The following CTNNA3 variants were observed in gnomAD, a reference collection of about 807,000 sequenced individuals.
CTNNA3 encodes catenin alpha-3.
A neutral mutation model predicts 95.7 loss-of-function variants in CTNNA3; 76 were observed. The observed-to-expected ratio is 0.79, with a 90% confidence interval of 0.66 to 0.96. The LOEUF (loss-of-function observed/expected upper bound fraction) is 0.96, where lower values mean the gene tolerates loss of function less well. CTNNA3 is among the 40% of genes least tolerant of loss of function. The pLI, the probability that CTNNA3 is intolerant of heterozygous loss-of-function variation, is 0.00. For missense variants in CTNNA3, 1,191 were observed against 1,089.8 expected, an observed-to-expected ratio of 1.09 and a Z score of -1.31; for synonymous variants, 431 against 374.4, an observed-to-expected ratio of 1.15 and a Z score of -1.74.
At chr10:66,876,922 C>G (rs1219097712) in intron 7 of CTNNA3, among the ~76,000 whole-genome samples, 1 of 152,114 alleles carries the variant, frequency 6.6e-6, no homozygotes, top group African/African-American at 2.4e-5. Context: ...TTGCTTTCCT[C>G]AAGAACAGTT....
At chr10:67,667,147 C>G (rs79429865) in intron 1 of CTNNA3, among the ~76,000 whole-genome samples, 28 of 152,226 alleles carry the variant, frequency 1.8e-4, no homozygotes, top group African/African-American at 6.7e-4. Flanking sequence ...ATATTAGAAG[C>G]CACAGACTAA....
At chr10:66,066,170 T>A (rs2080309334) in intron 15 of CTNNA3, among the ~76,000 whole-genome samples, 1 of 152,158 alleles carries the variant, frequency 6.6e-6, no homozygotes, top group Non-Finnish European at 1.5e-5. Context: ...GCCACCAAGA[T>A]GATATTATAA....
chr10:67,392,563 C>A (rs1441751859), intron 5 of CTNNA3, among the ~76,000 whole-genome samples: 2 of 152,136 alleles, frequency 1.3e-5, no homozygotes, highest in African/African-American at 2.4e-5. Flanking sequence ...TGGGTATATA[C>A]CCAAAGGACT....
intron 4 of CTNNA3, among the ~76,000 whole-genome samples, chr10:67,527,229 C>G (rs1046078537): frequency 3.9e-5 from 6 of 152,060 alleles, no homozygotes; most frequent in African/African-American, 1.4e-4. Context: ...TGCACTCCAG[C>G]CTGGGTGACA....
chr10:66,084,829 T>A (rs957128700), intron 14 of CTNNA3: 5 of 152,170 alleles, frequency 3.3e-5, no homozygotes, highest in African/African-American at 1.2e-4. Flanking sequence ...CTATCATCTA[T>A]CTATGTATTT....
chr10:67,724,433 G>C (rs1841197547), intron 1 of CTNNA3, among the ~76,000 whole-genome samples: 1 of 152,194 alleles, frequency 6.6e-6, no homozygotes. Context: ...ACATCATGCA[G>C]ATAATTTGAA....
chr10:67,425,837 G>C (rs766650991), intron 5 of CTNNA3, among the ~76,000 whole-genome samples: 1 of 151,980 alleles, frequency 6.6e-6, no homozygotes, highest in African/African-American at 2.4e-5. Flanking sequence ...GCTTTTTGTG[G>C]AGTGAAAATT....
intron 5 of CTNNA3, among the ~76,000 whole-genome samples, chr10:67,505,735 A>G (rs757299959): frequency 2.6e-5 from 4 of 152,206 alleles, no homozygotes; most frequent in Non-Finnish European, 5.9e-5. Context: ...GGATGCAACC[A>G]CAGATCATTA....
intron 7 of CTNNA3, among the ~76,000 whole-genome samples, chr10:66,967,062 G>T (rs1589511020): frequency 6.6e-6 from 1 of 152,082 alleles, no homozygotes; most frequent in East Asian, 1.9e-4. Context: ...ATAGAACCTG[G>T]TACCACTATA....
chr10:67,539,171 A>C (rs1840580413), intron 4 of CTNNA3, among the ~76,000 whole-genome samples: 2 of 152,220 alleles, frequency 1.3e-5, no homozygotes, highest in South Asian at 4.1e-4. Flanking sequence ...ATTTATACTC[A>C]TATGTTTATC....
Position 67,410,912 on chromosome 10 carries a change from G to A in CTNNA3, c.579+110930C>T, listed in dbSNP as rs182747829. 7.9e-5 allele frequency among the ~76,000 whole-genome samples: 12 copies of A among 152,240 alleles called. No homozygotes were observed. In the East Asian group the frequency reaches 2.3e-3, roughly 29 times the overall value. On this transcript the variant is annotated intron_variant, in intron 5 of 17. Transcript: ENST00000433211. ...TTTTGATTTGCCACAACATTGATGA[G>A]TCTGGAGAACATTATGTTACATAAA...
chr10:67,278,141 T>A (rs889855530), intron 5 of CTNNA3, among the ~76,000 whole-genome samples: 4 of 152,178 alleles, frequency 2.6e-5, no homozygotes, highest in Non-Finnish European at 5.9e-5. Context: ...CAAAGATGAT[T>A]TCTGGAGAAC....
chr10:66,985,653 G>A (rs1221323064), intron 7 of CTNNA3, among the ~76,000 whole-genome samples: 2 of 152,108 alleles, frequency 1.3e-5, no homozygotes, highest in Non-Finnish European at 2.9e-5. Flanking sequence ...GGAAGGGCAG[G>A]TGGAAATGAT....
intron 11 of CTNNA3, among the ~76,000 whole-genome samples, chr10:66,493,683 A>G (rs1163064613): frequency 1.4e-5 from 2 of 142,100 alleles, no homozygotes; most frequent in Non-Finnish European, 3.0e-5. Flanking sequence ...TCCGGTCACT[A>G]CAAGCTCTGC....
chr10:67,043,489 CTCTTCCAAT>C (rs1020010187), intron 7 of CTNNA3, among the ~76,000 whole-genome samples: 8 of 152,200 alleles, frequency 5.3e-5, no homozygotes, highest in African/African-American at 1.7e-4. Flanking sequence ...TGTCATTTAG[CTCTTCCAAT>C]TTCTTCTAGT....
rs889229692 is a variant in CTNNA3 at position 66,402,875 on chromosome 10, C to T, written c.1532-23523G>A. On this transcript the variant is annotated intron_variant, in intron 11 of 17. Coordinates refer to ENST00000433211, the MANE Select transcript of CTNNA3 (RefSeq NM_013266.4). ...AAGGGATCCACTGGCATGAAGACCT[C>T]AGATAAGGGGAAGTGAAGACTGAAC... Among the ~76,000 whole-genome samples, 4 of 152,102 alleles carry T rather than the reference C, an allele frequency of 2.6e-5. No homozygotes were observed. In the East Asian group the frequency reaches 7.7e-4, roughly 29 times the overall value.
At chr10:67,495,490 T>G (rs1057051296) in intron 5 of CTNNA3, among the ~76,000 whole-genome samples, 3 of 152,166 alleles carry the variant, frequency 2.0e-5, no homozygotes, top group Non-Finnish European at 4.4e-5. Context: ...TTGCAGTAAA[T>G]TCTATCATGT....
At chr10:65,944,031 A>G (rs1011905236) in intron 17 of CTNNA3, among the ~76,000 whole-genome samples, 1 of 152,240 alleles carries the variant, frequency 6.6e-6, no homozygotes, top group Non-Finnish European at 1.5e-5. Flanking sequence ...ATATGTAGGC[A>G]AATACCTCTT....
intron 10 of CTNNA3, among the ~76,000 whole-genome samples, chr10:66,564,960 C>T (rs1439667245): frequency 6.6e-6 from 1 of 152,150 alleles, no homozygotes; most frequent in Non-Finnish European, 1.5e-5. Flanking sequence ...GTATCTTTGG[C>T]TATTTCCACT....
Sources: allele counts gnomAD v4.1 joint callset (sites outside exome capture counted in the v4.1 genomes callset), GRCh38; gene constraint gnomAD v4.1.1; transcripts MANE v1.5; gene names NCBI Gene and HGNC (gene_info 2026-07-23, HGNC 2026-07-21).